Variants in ATP6V1H observed in about 807,000 individuals in gnomAD.
The protein encoded by ATP6V1H is V-type proton ATPase subunit H.
A neutral mutation model predicts 71.7 loss-of-function variants in ATP6V1H; 39 were observed. The ratio of observed to expected loss-of-function variants is 0.54; its 90% CI spans 0.42 to 0.71. The LOEUF (loss-of-function observed/expected upper bound fraction) is 0.71, where lower values mean the gene tolerates loss of function less well. Among genes scored for constraint, ATP6V1H ranks in the 30% least tolerant of loss-of-function variants. The pLI, the probability that ATP6V1H is intolerant of heterozygous loss-of-function variation, is 0.00. For missense variants in ATP6V1H, 509 were observed against 594.9 expected, an observed-to-expected ratio of 0.86 and a Z score of 1.50; for synonymous variants, 192 against 199.3, an observed-to-expected ratio of 0.96 and a Z score of 0.31.
chr8:53,830,813 A>T (rs1160507760), intron 3 of ATP6V1H, among the ~76,000 whole-genome samples: 1 of 152,186 alleles, frequency 6.6e-6, no homozygotes, highest in Non-Finnish European at 1.5e-5. Flanking sequence ...ATTAACACAC[A>T]TCCCCAGTCT....
At chr8:53,771,059 A>G (rs1022533481) in intron 10 of ATP6V1H, among the ~76,000 whole-genome samples, 1 of 152,198 alleles carries the variant, frequency 6.6e-6, no homozygotes, top group African/African-American at 2.4e-5. Context: ...TGGTAAATAC[A>G]TTTCTGGAGC....
At chr8:53,794,153 T>C (rs1469855940) in intron 9 of ATP6V1H, among the ~76,000 whole-genome samples, 1 of 152,122 alleles carries the variant, frequency 6.6e-6, no homozygotes, top group African/African-American at 2.4e-5. Flanking sequence ...AATATCCACA[T>C]ATACAGAAAT....
chr8:53,819,578 ATATATAT>A (rs1810569789), intron 4 of ATP6V1H, among the ~76,000 whole-genome samples: 9 of 129,456 alleles, frequency 7.0e-5, no homozygotes, highest in East Asian at 2.3e-4. Flanking sequence ...ATATATATAT[ATATATAT>A]AAAATACACA....
intron 2 of ATP6V1H, among the ~76,000 whole-genome samples, chr8:53,836,690 T>C (rs765476471): frequency 1.3e-5 from 2 of 152,210 alleles, no homozygotes; most frequent in East Asian, 3.9e-4. Flanking sequence ...CAAGTACATA[T>C]GGGGTCATAT....
intron 13 of ATP6V1H, among the ~76,000 whole-genome samples, chr8:53,738,387 C>A (rs1807302958): frequency 6.6e-6 from 1 of 152,118 alleles, no homozygotes; most frequent in African/African-American, 2.4e-5. Flanking sequence ...AACTGCCCCA[C>A]CCACAGAAGG....
intron 9 of ATP6V1H, among the ~76,000 whole-genome samples, chr8:53,789,554 C>G (rs180746991): frequency 6.6e-6 from 1 of 152,106 alleles, no homozygotes; most frequent in Non-Finnish European, 1.5e-5. Context: ...CTAAATAATA[C>G]CTTTAAAAGC....
At chr8:53,721,461 C>A (rs1440133115) in intron 13 of ATP6V1H, among the ~76,000 whole-genome samples, 1 of 152,112 alleles carries the variant, frequency 6.6e-6, no homozygotes, top group Admixed American at 6.5e-5. Context: ...ACAATATGTA[C>A]CATTTTTTAG....
chr8:53,788,948 T>A (rs1035126592), intron 9 of ATP6V1H, among the ~76,000 whole-genome samples: 7 of 152,238 alleles, frequency 4.6e-5, no homozygotes, highest in African/African-American at 1.7e-4. Context: ...TTCATCAAGT[T>A]ACGCTATCAA....
At chr8:53,745,829 C>T (rs534371966) in intron 12 of ATP6V1H, among the ~76,000 whole-genome samples, 2 of 152,206 alleles carry the variant, frequency 1.3e-5, no homozygotes, top group East Asian at 1.9e-4. Context: ...CTTGTTCCCC[C>T]ACAGCTGGGG....
At chr8:53,819,434 A>C (rs1253364042) in intron 4 of ATP6V1H, among the ~76,000 whole-genome samples, 1 of 148,834 alleles carries the variant, frequency 6.7e-6, no homozygotes, top group Non-Finnish European at 1.5e-5. Flanking sequence ...TCGGAAGCTG[A>C]GGCAGGAGAA....
chr8:53,839,891 A>G lies in ATP6V1H; in HGVS notation c.113+1687T>C, dbSNP rs183333566. On this transcript the variant is annotated intron_variant, in intron 2 of 13. Coordinates refer to ENST00000359530, the MANE Select transcript of ATP6V1H (RefSeq NM_015941.4). ...ATAGGATCAAGTCCAAACTCCTTCC[A>G]ACCACACACCCACACACAGCATCTT... 1.1e-4 allele frequency: 106 copies of G among 985,538 alleles called. No homozygotes were observed. In the East Asian group the frequency reaches 5.6e-3, roughly 52 times the overall value. 61.0% of individuals were successfully genotyped at this position (985,538 alleles called of 1,614,324 possible).
intron 9 of ATP6V1H, among the ~76,000 whole-genome samples, chr8:53,775,888 G>A (rs1012057163): frequency 2.3e-4 from 35 of 152,342 alleles, no homozygotes; most frequent in Middle Eastern, 3.4e-3. Context: ...CCAGTCCTGC[G>A]CCATGCGCTC....
chr8:53,829,456 A>T lies in ATP6V1H; in HGVS notation c.294T>A (p.Asp98Glu). 1 of 1,603,242 alleles carries T rather than the reference A, an allele frequency of 6.2e-7. No individual in the cohort carries two copies. Among genetic ancestry groups the T allele is most frequent in the Middle Eastern group, 1.7e-4 (1 of 6,038 alleles). The change falls in exon 4 of 14, where the codon GAT (aspartate) becomes GAA (glutamate). Residue 98 changes from aspartate (D) to glutamate (E), a missense_variant. Coordinates refer to ENST00000359530, the MANE Select transcript of ATP6V1H (RefSeq NM_015941.4). ...AGAATATACCTACCTGCAGCATATC[A>T]TCCACCATAGTTAGTATATACTGAA... Reference protein sequence around the residue: ...QTVQYILTMVDDMLQENHQRV... With the variant: ...QTVQYILTMVEDMLQENHQRV...
intron 13 of ATP6V1H, among the ~76,000 whole-genome samples, chr8:53,736,790 C>G (rs1807220239): frequency 6.6e-6 from 1 of 151,464 alleles, no homozygotes; most frequent in South Asian, 2.1e-4. Context: ...AGGAGACCAC[C>G]TCTCTTATTG....
At chr8:53,828,819 T>C (rs908610886) in intron 4 of ATP6V1H, among the ~76,000 whole-genome samples, 5 of 152,142 alleles carry the variant, frequency 3.3e-5, no homozygotes, top group Admixed American at 6.5e-5. Context: ...TCAAGTCTCC[T>C]GAGACACTCA....
intron 4 of ATP6V1H, among the ~76,000 whole-genome samples, chr8:53,822,413 A>T (rs576315941): frequency 2.6e-5 from 4 of 152,288 alleles, no homozygotes; most frequent in East Asian, 3.8e-4. Context: ...GGAAAAGTAG[A>T]ATAAGTTCAT....
intron 2 of ATP6V1H, among the ~76,000 whole-genome samples, chr8:53,837,006 T>C (rs565821654): frequency 3.6e-4 from 54 of 152,062 alleles, no homozygotes; most frequent in Non-Finnish European, 5.6e-4. Flanking sequence ...CCAGGCGAGG[T>C]GGCAGGTGCC....
At chr8:53,778,507 C>T (rs1238323395) in intron 9 of ATP6V1H, among the ~76,000 whole-genome samples, 1 of 152,136 alleles carries the variant, frequency 6.6e-6, no homozygotes, top group Non-Finnish European at 1.5e-5. Flanking sequence ...CCCTTCTCAG[C>T]CTCTGACAAC....
chr8:53,784,371 T>C, intron 9 of ATP6V1H, among the ~76,000 whole-genome samples: 1 of 152,192 alleles, frequency 6.6e-6, no homozygotes, highest in Non-Finnish European at 1.5e-5. Context: ...CCTGCCTTTT[T>C]TTGTTTTCCA....
Sources: gnomAD v4.1 joint callset for allele counts (sites outside exome capture counted in the v4.1 genomes callset) on GRCh38, gnomAD v4.1.1 for gene constraint, MANE v1.5 for transcripts, NCBI Gene and HGNC (gene_info 2026-07-23, HGNC 2026-07-21) for gene names.